The following SINHCAF variants were observed in gnomAD, a reference collection of about 807,000 sequenced individuals.
SINHCAF encodes SIN3-HDAC complex-associated factor.
In SINHCAF, 3 loss-of-function variants were observed where a neutral mutation model predicts 25.8. The observed-to-expected ratio is 0.12, with a 90% CI of 0.05 to 0.30. The LOEUF is 0.30. Among genes scored for constraint, SINHCAF ranks in the 10% least tolerant of loss-of-function variants. SINHCAF has a pLI of 1.00. For synonymous variants in SINHCAF, 70 were observed against 85.5 expected (o/e 0.82, Z 1.00); for missense variants, 121 against 262.3 (o/e 0.46, Z 3.72).
chr12:31,288,509 C>A (rs1435293137), intron 4 of SINHCAF, among the ~76,000 whole-genome samples: 1 of 152,120 alleles, frequency 6.6e-6, no homozygotes, highest in African/African-American at 2.4e-5. Context: ...ACAAGGCCAC[C>A]CTCACCAGGT....
chr12:31,318,184 C>T (rs1362254875), intron 1 of SINHCAF, among the ~76,000 whole-genome samples: 2 of 152,290 alleles, frequency 1.3e-5, no homozygotes, highest in East Asian at 1.9e-4. Flanking sequence ...TGTATTCTCC[C>T]GCGGCTAGGC....
intron 4 of SINHCAF, among the ~76,000 whole-genome samples, chr12:31,292,793 C>T (rs1056997858): frequency 4.6e-5 from 7 of 152,142 alleles, no homozygotes; most frequent in Non-Finnish European, 1.0e-4. Context: ...AGTTCTCCTG[C>T]ACTCCTCACT....
intron 4 of SINHCAF, 44 bp downstream of exon 4, chr12:31,293,761 A>T: frequency 6.6e-7 from 1 of 1,522,014 alleles, no homozygotes; most frequent in Non-Finnish European, 8.8e-7. Flanking sequence ...AGCCAAAAAT[A>T]ACAAAACAAT....
intron 1 of SINHCAF, among the ~76,000 whole-genome samples, chr12:31,315,269 A>T (rs923666333): frequency 1.3e-5 from 2 of 152,204 alleles, no homozygotes; most frequent in East Asian, 3.8e-4. Context: ...AGAAAAGTTA[A>T]TAATTGTGTA....
intron 2 of SINHCAF, 74 bp from the exon 3 acceptor site, chr12:31,295,407 G>A: frequency 1.1e-6 from 1 of 942,316 alleles, no homozygotes; most frequent in Non-Finnish European, 1.7e-6. Context: ...TTTCTTTTGG[G>A]GAAAAAACTG....
chr12:31,321,380 C>T (rs2137140619), intron 1 of SINHCAF, among the ~76,000 whole-genome samples: 1 of 152,232 alleles, frequency 6.6e-6, no homozygotes, highest in Middle Eastern at 3.4e-3. Context: ...CCCAGAACTG[C>T]TTTCTTAAGG....
intron 1 of SINHCAF, among the ~76,000 whole-genome samples, chr12:31,311,183 C>G (rs559480178): frequency 6.6e-6 from 1 of 152,150 alleles, no homozygotes. Context: ...TGGCATTTAA[C>G]AGAGAAGCTG....
chr12:31,323,934 G>A (rs1260634926), intron 1 of SINHCAF: 3 of 455,500 alleles, frequency 6.6e-6, no homozygotes, highest in African/African-American at 4.0e-5. Flanking sequence ...CAGGGCCCTC[G>A]GGTCCCCACC....
At chr12:31,295,762 C>T (rs1938520229) in intron 2 of SINHCAF, among the ~76,000 whole-genome samples, 1 of 151,742 alleles carries the variant, frequency 6.6e-6, no homozygotes, top group Non-Finnish European at 1.5e-5. Flanking sequence ...GTCCCAGCTA[C>T]TCAAGAGGCT....
chr12:31,300,758 G>A lies in SINHCAF; in HGVS notation c.-20-2534C>T, dbSNP rs140987430. Among the ~76,000 whole-genome samples the A allele has an allele frequency of 2.0e-4, 31 of 152,098 alleles. No homozygotes were observed. The East Asian group carries it at 5.0e-3, about 25-fold the overall frequency. On this transcript the variant is annotated intron_variant, in intron 1 of 5. Transcript: ENST00000337682. ...CTGTTTTAAGGCAAAATGTTAATAC[G>A]GCCCTCGTCCTCACACCACCCTGCG...
intron 1 of SINHCAF, chr12:31,323,807 T>C (rs996737672): frequency 2.6e-6 from 1 of 390,704 alleles, no homozygotes; most frequent in Admixed American, 2.8e-5. Flanking sequence ...CGGTGGTTTA[T>C]CGGGCGTCGT....
chr12:31,291,708 G>C (rs1159423611), intron 4 of SINHCAF, among the ~76,000 whole-genome samples: 1 of 151,978 alleles, frequency 6.6e-6, no homozygotes, highest in Non-Finnish European at 1.5e-5. Flanking sequence ...AGGTTGCAGT[G>C]AGCTGAGATC....
chr12:31,313,272 C>T (rs970909640), intron 1 of SINHCAF, among the ~76,000 whole-genome samples: 3 of 152,194 alleles, frequency 2.0e-5, no homozygotes, highest in African/African-American at 7.2e-5. Flanking sequence ...GGTGATCCAC[C>T]TGCCTCGGCC....
intron 2 of SINHCAF, 74 bp downstream of exon 2, chr12:31,298,003 C>T (rs1938616376): frequency 7.1e-7 from 1 of 1,416,486 alleles, no homozygotes; most frequent in Admixed American, 1.9e-5. Flanking sequence ...TTCCAATCAC[C>T]TTGCTTACAA....
intron 1 of SINHCAF, among the ~76,000 whole-genome samples, chr12:31,315,586 T>C (rs544444894): frequency 1.3e-5 from 2 of 152,368 alleles, no homozygotes; most frequent in African/African-American, 4.8e-5. Context: ...TTTGAAAGGT[T>C]ACAGTTAAAA....
At position 31,293,882 on chromosome 12, in the gene SINHCAF, T is replaced by C. The variant is rs774505029; in HGVS notation, c.278A>G (p.Lys93Arg). 23 of 1,613,486 alleles carry C rather than the reference T, an allele frequency of 1.4e-5. No homozygotes were observed. Among genetic ancestry groups the C allele is most frequent in the Non-Finnish European group, 1.9e-5 (23 of 1,179,698 alleles). ...GPSLKTTLKP[K>R]KVKTLSGNRI... ...GTTCCCAGATAGAGTTTTCACTTTC[T>C]TTGGTTTCAATGTAGTCTTTAGACT... The change falls in exon 4 of 6, where the codon AAG (lysine) becomes AGG (arginine). Residue 93 changes from lysine (K) to arginine (R), a missense_variant. Coordinates refer to ENST00000337682, the MANE Select transcript of SINHCAF (RefSeq NM_001135812.2).
chr12:31,283,029 A>G (rs970305795), intron 5 of SINHCAF, among the ~76,000 whole-genome samples, 158 bp from the exon 6 acceptor site: 2 of 152,168 alleles, frequency 1.3e-5, no homozygotes, highest in Non-Finnish European at 2.9e-5. Flanking sequence ...AGTAACCCCA[A>G]TTAGCTAGAG....
At chr12:31,320,179 T>C (rs538281740) in intron 1 of SINHCAF, among the ~76,000 whole-genome samples, 11 of 152,324 alleles carry the variant, frequency 7.2e-5, no homozygotes, top group Admixed American at 1.3e-4. Flanking sequence ...GGCTTCATGA[T>C]AGTATCTAAA....
chr12:31,299,078 A>G (rs1433699376), intron 1 of SINHCAF, among the ~76,000 whole-genome samples: 1 of 152,082 alleles, frequency 6.6e-6, no homozygotes, highest in Non-Finnish European at 1.5e-5. Flanking sequence ...AAGGAATGAA[A>G]ACAGCTCTGG....
Sources: allele counts gnomAD v4.1 joint callset (sites outside exome capture counted in the v4.1 genomes callset), GRCh38; gene constraint gnomAD v4.1.1; transcripts MANE v1.5; gene names NCBI Gene and HGNC (gene_info 2026-07-23, HGNC 2026-07-21).